Variants in IL1R2 observed in about 807,000 individuals in gnomAD.
IL1R2 encodes interleukin 1 receptor type 2.
A neutral mutation model predicts 39.5 loss-of-function variants in IL1R2; 46 were observed. The observed-to-expected ratio is 1.16, with a 90% CI of 0.92 to 1.49. The LOEUF (loss-of-function observed/expected upper bound fraction) is 1.49. Among genes scored for constraint, IL1R2 ranks in the 40% most tolerant of loss-of-function variants. IL1R2 has a pLI of 0.00. For missense variants in IL1R2, 537 were observed against 502.0 expected (o/e 1.07, Z -0.67); for synonymous variants, 207 against 189.6 (o/e 1.09, Z -0.75).
At chr2:101,997,262 G>A (rs1335650596) in intron 1 of IL1R2, among the ~76,000 whole-genome samples, 3 of 152,220 alleles carry the variant, frequency 2.0e-5, no homozygotes, top group Non-Finnish European at 2.9e-5. Context: ...AGGTCACCCC[G>A]CTGTGCCTCT....
chr2:102,011,977 C>T (rs1239811256), intron 3 of IL1R2, among the ~76,000 whole-genome samples: 1 of 152,180 alleles, frequency 6.6e-6, no homozygotes, highest in African/African-American at 2.4e-5. Context: ...TCCATTTTCT[C>T]CAGTACTATT....
Position 102,019,780 on chromosome 2 carries a change from A to G in IL1R2, c.656A>G (p.Asn219Ser), listed in dbSNP as rs375907194. 1 of 1,614,174 alleles carries G rather than the reference A, an allele frequency of 6.2e-7. No homozygotes were observed. The highest frequency in any genetic ancestry group is 8.5e-7 in the Non-Finnish European group (1 of 1,180,000). ...TTTGCCCATGAAGGCCAGCAATACA[A>G]CATCACTAGGAGTATTGAGCTACGC... ...LTFAHEGQQY[N>S]ITRSIELRIK... The change falls in exon 5 of 9, where the codon AAC becomes AGC. Residue 219 changes from asparagine (N) to serine (S), a missense_variant. Transcript: ENST00000332549.
chr2:102,013,677 G>A (rs1676808383), intron 3 of IL1R2, among the ~76,000 whole-genome samples: 1 of 151,868 alleles, frequency 6.6e-6, no homozygotes, highest in Non-Finnish European at 1.5e-5. Context: ...AAATAACAAG[G>A]GCTTATTTCT....
At chr2:101,992,131 G>C (rs1285631898) in intron 1 of IL1R2, 120 bp downstream of exon 1, 2 of 152,084 alleles carry the variant, frequency 1.3e-5, no homozygotes, top group Non-Finnish European at 2.9e-5. Context: ...GAGAGGGAAA[G>C]GCAAAGAGAG....
At chr2:102,012,255 C>T (rs1466853651) in intron 3 of IL1R2, among the ~76,000 whole-genome samples, 1 of 152,166 alleles carries the variant, frequency 6.6e-6, no homozygotes, top group African/African-American at 2.4e-5. Flanking sequence ...GTGTTTTGGC[C>T]TCTCTCTTCA....
In IL1R2 at chr2:102,028,221, C is replaced by T. The variant is rs752222605; in HGVS notation, c.1031-5C>T. ...GCTCCTGATGTGACTCTGTTCTTCC[C>T]ACAGCCTCCTCCACGTTCTCCTGGG... On this transcript the variant is annotated splice_polypyrimidine_tract_variant and splice_region_variant and intron_variant, in intron 8 of 8. Coordinates refer to ENST00000332549, the MANE Select transcript of IL1R2 (RefSeq NM_004633.4). The T allele has an allele frequency of 1.2e-6, 2 of 1,603,302 alleles. No individual in the cohort carries two copies.
chr2:102,020,515 C>T (rs756185511), intron 5 of IL1R2, among the ~76,000 whole-genome samples: 2 of 152,176 alleles, frequency 1.3e-5, no homozygotes, highest in Non-Finnish European at 1.5e-5. Context: ...ATGATCACAA[C>T]TGGGGTCTTT....
intron 5 of IL1R2, 44 bp from the exon 6 acceptor site, chr2:102,022,143 G>T (rs1400114142): frequency 6.6e-7 from 1 of 1,515,776 alleles, no homozygotes; most frequent in South Asian, 1.1e-5. Context: ...AGCGTCAAAT[G>T]AAGGCTTTCC....
chr2:102,006,278 CA>C (rs1676254830), intron 1 of IL1R2, among the ~76,000 whole-genome samples: 1 of 152,156 alleles, frequency 6.6e-6, no homozygotes, highest in Non-Finnish European at 1.5e-5. Flanking sequence ...CTTCATCTGG[CA>C]AACCTGACAG....
chr2:101,995,468 T>C (rs1202089105), intron 1 of IL1R2, among the ~76,000 whole-genome samples: 1 of 152,108 alleles, frequency 6.6e-6, no homozygotes, highest in Non-Finnish European at 1.5e-5. Flanking sequence ...GAACCTGTGC[T>C]CCAGGAAGGA....
chr2:102,020,808 C>T (rs946565226), intron 5 of IL1R2, among the ~76,000 whole-genome samples: 15 of 152,200 alleles, frequency 9.9e-5, no homozygotes, highest in Admixed American at 5.2e-4. Context: ...GGCAGCCGCC[C>T]TACATGCCTG....
At chr2:101,995,549 G>A (rs1559408698) in intron 1 of IL1R2, among the ~76,000 whole-genome samples, 1 of 152,216 alleles carries the variant, frequency 6.6e-6, no homozygotes, top group Admixed American at 6.5e-5. Flanking sequence ...CTACAGCAAT[G>A]TGAGCTAACC....
chr2:101,995,518 C>T (rs973391686), intron 1 of IL1R2, among the ~76,000 whole-genome samples: 3 of 152,120 alleles, frequency 2.0e-5, no homozygotes, highest in African/African-American at 7.2e-5. Context: ...TCTGGTGGGA[C>T]CCTGAGCAGA....
chr2:101,999,012 G>C (rs1675719116), intron 1 of IL1R2: 1 of 152,376 alleles, frequency 6.6e-6, no homozygotes, highest in Non-Finnish European at 1.5e-5. Flanking sequence ...GGGAGATACT[G>C]TTGTGGTCAC....
At chr2:102,007,256 C>T (rs719250) in intron 1 of IL1R2, among the ~76,000 whole-genome samples, 17,319 of 152,114 alleles carry the variant, frequency 0.11, 1,206 homozygotes, top group East Asian at 0.32. Context: ...GGGAGGACTG[C>T]TTCATAAACT....
intron 6 of IL1R2, among the ~76,000 whole-genome samples, chr2:102,024,064 C>T (rs796846950): frequency 7.6e-6 from 1 of 132,334 alleles, no homozygotes; most frequent in South Asian, 2.5e-4. Flanking sequence ...CAAAACAAAA[C>T]AAAACAAAAA....
chr2:102,005,815 A>G (rs1676226141), intron 1 of IL1R2, among the ~76,000 whole-genome samples: 1 of 152,188 alleles, frequency 6.6e-6, no homozygotes, highest in African/African-American at 2.4e-5. Flanking sequence ...AGCAGGGAGG[A>G]CAGATATTGG....
intron 5 of IL1R2, among the ~76,000 whole-genome samples, chr2:102,020,166 G>A (rs1306210133): frequency 1.3e-5 from 2 of 152,188 alleles, no homozygotes; most frequent in Non-Finnish European, 2.9e-5. Context: ...ACCACATGCT[G>A]TAACTTTATG....
chr2:102,017,352 A>G (rs3218919), intron 4 of IL1R2, among the ~76,000 whole-genome samples: 18,400 of 150,360 alleles, frequency 0.12, 1,290 homozygotes, highest in East Asian at 0.29. Flanking sequence ...AGCCAAGATC[A>G]CGCCATTGCA....
Sources: gnomAD v4.1 joint callset for allele counts (sites outside exome capture counted in the v4.1 genomes callset) on GRCh38, gnomAD v4.1.1 for gene constraint, MANE v1.5 for transcripts, NCBI Gene and HGNC (gene_info 2026-07-23, HGNC 2026-07-21) for gene names.